Variants in TTC39C observed in about 807,000 individuals in gnomAD.
The protein encoded by TTC39C is tetratricopeptide repeat protein 39C.
Under a neutral mutation model 76.3 loss-of-function variants are expected in TTC39C, and 33 were observed. That is an observed-to-expected ratio of 0.43 (90% confidence interval 0.33 to 0.58). TTC39C has a LOEUF of 0.58. Among genes scored for constraint, TTC39C ranks in the 20% least tolerant of loss-of-function variants. The probability of loss-of-function intolerance (pLI) is 0.04; values close to 1 mark genes in which losing one functional copy is unlikely to be tolerated. For missense variants in TTC39C, 595 were observed against 701.4 expected, an observed-to-expected ratio of 0.85 and a Z score of 1.71; for synonymous variants, 254 against 260.6, an observed-to-expected ratio of 0.97 and a Z score of 0.24.
intron 4 of TTC39C, among the ~76,000 whole-genome samples, chr18:24,076,192 C>T (rs1456538599): frequency 6.6e-6 from 1 of 152,038 alleles, no homozygotes; most frequent in Non-Finnish European, 1.5e-5. Context: ...GTTGGCCAGG[C>T]TGGTTTTGAA....
chr18:24,084,809 G>A (rs1284320734), intron 6 of TTC39C, among the ~76,000 whole-genome samples: 3 of 152,004 alleles, frequency 2.0e-5, no homozygotes, highest in Admixed American at 1.3e-4. Flanking sequence ...CTACTGCTGT[G>A]CGACACCATG....
At chr18:24,116,852 G>T (rs1039078116) in intron 7 of TTC39C, among the ~76,000 whole-genome samples, 2 of 138,550 alleles carry the variant, frequency 1.4e-5, no homozygotes, top group Non-Finnish European at 3.0e-5. Context: ...TTAAGACAGG[G>T]TCTCACTGTG....
chr18:24,091,875 G>A (rs2084521006), intron 6 of TTC39C, among the ~76,000 whole-genome samples: 1 of 151,816 alleles, frequency 6.6e-6, no homozygotes. Flanking sequence ...AGATCACGAG[G>A]TCAGGAGATC....
At chr18:24,075,932 G>A (rs540855388) in intron 4 of TTC39C, among the ~76,000 whole-genome samples, 2 of 152,224 alleles carry the variant, frequency 1.3e-5, no homozygotes, top group South Asian at 2.1e-4. Context: ...TTCTGTCCCC[G>A]TATGGGGCAG....
intron 1 of TTC39C, among the ~76,000 whole-genome samples, chr18:24,025,074 A>G (rs2083582741): frequency 6.6e-6 from 1 of 152,110 alleles, no homozygotes; most frequent in African/African-American, 2.4e-5. Context: ...CTGCCATGTT[A>G]GCTAGGCTGG....
At chr18:24,017,805 C>T (rs1008034688) in intron 1 of TTC39C, among the ~76,000 whole-genome samples, 1 of 152,266 alleles carries the variant, frequency 6.6e-6, no homozygotes, top group Non-Finnish European at 1.5e-5. Flanking sequence ...CAGGGGGACA[C>T]CCTTCCTCTA....
intron 1 of TTC39C, chr18:24,022,620 A>T (rs1599243868): frequency 1.0e-6 from 1 of 985,248 alleles, no homozygotes; most frequent in East Asian, 1.1e-4. Flanking sequence ...TGCAGATTGC[A>T]CTCTGACACC....
chr18:24,097,366 T>C (rs933997890), intron 6 of TTC39C, among the ~76,000 whole-genome samples: 1 of 152,238 alleles, frequency 6.6e-6, no homozygotes, highest in Non-Finnish European at 1.5e-5. Flanking sequence ...ATTGTAGTGG[T>C]AAATCCACAT....
chr18:24,119,422 T>G (rs1259380359), intron 8 of TTC39C, among the ~76,000 whole-genome samples: 1 of 152,214 alleles, frequency 6.6e-6, no homozygotes, highest in East Asian at 1.9e-4. Context: ...ACGTTCAGAT[T>G]TAATGACCAT....
chr18:24,053,700 A>G (rs983771374), intron 1 of TTC39C, among the ~76,000 whole-genome samples: 1 of 152,250 alleles, frequency 6.6e-6, no homozygotes, highest in Non-Finnish European at 1.5e-5. Flanking sequence ...AAATGAGCCG[A>G]TAGCCCAGGA....
chr18:24,132,581 C>G lies in TTC39C; in HGVS notation c.*7C>G. 2 of 1,610,712 alleles carry G rather than the reference C, an allele frequency of 1.2e-6. No individual in the cohort carries two copies. Among genetic ancestry groups the G allele is most frequent in the South Asian group, 1.1e-5 (1 of 90,480 alleles). On this transcript the variant is annotated 3_prime_UTR_variant, in exon 14 of 14. Transcript: ENST00000317571. ...GGAATTGGTTCCTCAGTGACAGACC[C>G]GGAACACCCGCTCCGTCCCTCCCCA...
intron 2 of TTC39C, among the ~76,000 whole-genome samples, chr18:24,064,606 T>G (rs772170369): frequency 3.9e-5 from 6 of 152,220 alleles, no homozygotes; most frequent in Non-Finnish European, 7.3e-5. Flanking sequence ...AATATGAGTA[T>G]TTGGGAATTG....
At chr18:24,013,256 C>T (rs1195402118), upstream of TTC39C, among the ~76,000 whole-genome samples, 1 of 152,186 alleles carries the variant, frequency 6.6e-6, no homozygotes, top group Non-Finnish European at 1.5e-5. Context: ...TTGCTTCTGT[C>T]AGTGTTCCAG....
At chr18:24,104,176 C>T (rs756025037) in intron 6 of TTC39C, among the ~76,000 whole-genome samples, 2 of 152,206 alleles carry the variant, frequency 1.3e-5, no homozygotes, top group Non-Finnish European at 2.9e-5. Flanking sequence ...AAGTGATCCA[C>T]CCACCTTGGC....
At chr18:24,120,189 A>G (rs2084947810) in intron 8 of TTC39C, among the ~76,000 whole-genome samples, 2 of 152,194 alleles carry the variant, frequency 1.3e-5, no homozygotes, top group South Asian at 4.1e-4. Flanking sequence ...ATCTCTACTA[A>G]AAATACAAAA....
At chr18:24,110,361 T>C (rs2084794680) in intron 6 of TTC39C, among the ~76,000 whole-genome samples, 1 of 152,240 alleles carries the variant, frequency 6.6e-6, no homozygotes, top group Admixed American at 6.5e-5. Flanking sequence ...AAGACAGCAA[T>C]GCAGTGTGCT....
At chr18:24,029,536 G>GTT (rs2083642476) in intron 1 of TTC39C, among the ~76,000 whole-genome samples, 1 of 152,224 alleles carries the variant, frequency 6.6e-6, no homozygotes, top group African/African-American at 2.4e-5. Flanking sequence ...AGTTTTGGGG[G>GTT]AACAGGTAGT....
At chr18:24,091,267 G>A (rs1400100424) in intron 6 of TTC39C, among the ~76,000 whole-genome samples, 1 of 152,216 alleles carries the variant, frequency 6.6e-6, no homozygotes, top group African/African-American at 2.4e-5. Flanking sequence ...ATCATGGGCT[G>A]TGTTGAAACC....
chr18:24,075,698 A>AAAAAAC (rs2084298573), intron 4 of TTC39C, among the ~76,000 whole-genome samples: 1 of 144,590 alleles, frequency 6.9e-6, no homozygotes, highest in Non-Finnish European at 1.5e-5. Context: ...AAAAAAAAAA[A>AAAAAAC]AAAAACAAAA....
Sources: allele counts gnomAD v4.1 joint callset (sites outside exome capture counted in the v4.1 genomes callset), GRCh38; gene constraint gnomAD v4.1.1; transcripts MANE v1.5; gene names NCBI Gene and HGNC (gene_info 2026-07-23, HGNC 2026-07-21).